Variants in MCM3AP observed in about 807,000 individuals in gnomAD.
MCM3AP encodes minichromosome maintenance complex component 3 associated protein.
Under a neutral mutation model 184.1 loss-of-function variants are expected in MCM3AP, and 126 were observed. That is an observed-to-expected ratio of 0.68 (90% CI 0.59 to 0.79). The LOEUF is 0.79. Among genes scored for constraint, MCM3AP ranks in the 30% least tolerant of loss-of-function variants. MCM3AP has a pLI of 0.00. For synonymous variants in MCM3AP, 1,002 were observed against 979.3 expected, an observed-to-expected ratio of 1.02 and a Z score of -0.43; for missense variants, 2,496 against 2,479.2, an observed-to-expected ratio of 1.01 and a Z score of -0.14.
rs1299420728 is a variant in MCM3AP, at chr21:46,238,599, T to G, written c.5634-1620A>C. On this transcript the variant is annotated intron_variant, in intron 26 of 27. Transcript: ENST00000291688. ...GATGGGTACCTGTAGTCCCAGCTAC[T>G]TGGGAGGCTGGGGCAGGAGAACTGC... Among the ~76,000 whole-genome samples, 2 of 119,868 alleles carry G rather than the reference T, an allele frequency of 1.7e-5. 1 individual carries two copies. Among genetic ancestry groups the G allele is most frequent in the Non-Finnish European group, 3.5e-5 (2 of 56,524 alleles). 78.6% of individuals were successfully genotyped at this position (119,868 alleles called of 152,430 possible). A position where few individuals can be genotyped will look rare whatever the true frequency, so the allele number is the denominator to read the frequency against.
upstream of MCM3AP, chr21:46,285,815 G>C (rs944479630): frequency 1.3e-5 from 2 of 152,748 alleles, no homozygotes; most frequent in African/African-American, 4.8e-5. Context: ...GGCTTCCCTC[G>C]GAGCGGCTGG....
At chr21:46,254,638 T>C (rs1365739843) in intron 18 of MCM3AP, 112 bp from the exon 19 acceptor site, 1 of 1,461,090 alleles carries the variant, frequency 6.8e-7, no homozygotes, top group Non-Finnish European at 9.5e-7. Context: ...GGTTCAGAGA[T>C]TGAACTGCAA....
rs957944688 is a variant in MCM3AP at position 46,284,516 on chromosome 21, C to T, written c.771G>A (p.Ala257=). Residue 257 remains alanine, a synonymous_variant, in exon 1 of 28, where the codon GCG becomes GCA. Transcript: ENST00000291688. ...NSFSSFPVSS[A]VLGEPFQASK... ...TAGCCTGGAAAGGTTCGCCCAAAACCGCAGATGATACAGGGAAGCTACTGA... is the reference window on the plus strand; with the variant it reads ...TAGCCTGGAAAGGTTCGCCCAAAACTGCAGATGATACAGGGAAGCTACTGA... 5.0e-6 allele frequency: 8 copies of T among 1,614,034 alleles called. No homozygotes were observed. The highest frequency in any genetic ancestry group is 1.3e-5 in the African/African-American group (1 of 74,914).
Position 46,265,328 on chromosome 21 carries a change from G to T in MCM3AP, c.3227C>A (p.Ser1076Tyr), listed in dbSNP as rs142223686. 4.6e-4 allele frequency: 737 copies of T among 1,613,904 alleles called. 1 individual carries two copies. Among genetic ancestry groups the T allele is most frequent in the Admixed American group, 1.6e-3 (99 of 60,016 alleles). The change falls in exon 12 of 28, where the codon TCT becomes TAT. Residue 1076 changes from serine to tyrosine, a missense_variant. Physicochemically the swap from Ser to Tyr is moderately radical, Grantham distance 144. This residue lies in a region of MCM3AP where 1,323 missense variants were observed against 1,273.4 expected (regional missense o/e 1.04). Transcript: ENST00000291688. The stretch of plus-strand genomic sequence containing the variant: ...GAAAAAAAGAGTCCCTACCTCGTCA[G>T]AGTACATGGGCACGGGCTCTGGAGG... ...PPPPEPVPMY[S>Y]DEDLAQVVDE...
At chr21:46,237,058 T>A in intron 26 of MCM3AP, 79 bp from the exon 27 acceptor site, 1 of 719,490 alleles carries the variant, frequency 1.4e-6, no homozygotes, top group Non-Finnish European at 2.0e-6. Flanking sequence ...CTATATATAC[T>A]TAAAAACTTT....
In MCM3AP at chr21:46,284,144, A is replaced by G. The variant is rs761825769; in HGVS notation, c.1143T>C (p.Asn381=). 3 of 1,614,180 alleles carry G rather than the reference A, an allele frequency of 1.9e-6. No individual in the cohort carries two copies. Among genetic ancestry groups the G allele is most frequent in the East Asian group, 2.2e-5 (1 of 44,876 alleles). ...TCCGGGAAGGTGCCAGGACAGACTG[A>G]TTCCCTCCTGGGATAGCCATGTGGT... is the stretch of plus-strand genomic sequence containing the variant. ...ESDHMAIPGG[N]QSVLAPSRIP... Residue 381 remains asparagine (N), a synonymous_variant, in exon 1 of 28, where the codon AAT becomes AAC. Coordinates refer to ENST00000291688, the MANE Select transcript of MCM3AP (RefSeq NM_003906.5).
intron 5 of MCM3AP, among the ~76,000 whole-genome samples, chr21:46,275,894 A>T (rs1191940957): frequency 6.6e-6 from 1 of 152,254 alleles, no homozygotes; most frequent in Non-Finnish European, 1.5e-5. Context: ...TGTAGCTTGC[A>T]AGGAAAAGGA....
intron 23 of MCM3AP, among the ~76,000 whole-genome samples, chr21:46,244,362 A>G (rs2080727467): frequency 6.6e-6 from 1 of 152,234 alleles, no homozygotes; most frequent in Admixed American, 6.5e-5. Flanking sequence ...GCCATAGAAG[A>G]AGGCCTCTTT....
In MCM3AP at chr21:46,245,129, G is replaced by T. The variant is rs370224324; in HGVS notation, c.4716C>A (p.Leu1572=). Residue 1572 remains leucine, a synonymous_variant, in exon 23 of 28, where the codon CTC becomes CTA. Transcript: ENST00000291688. ...CAATCCCGTCTTCGACGTACTGAAT[G>T]AGAGTCTGGCAGCAGAGGTCAAGGG... ...PHSLDLCCQT[L]IQYVEDGIGH... 1.5e-5 allele frequency: 24 copies of T among 1,614,110 alleles called. No individual in the cohort carries two copies. Among genetic ancestry groups the T allele is most frequent in the Non-Finnish European group, 2.0e-5 (24 of 1,180,032 alleles).
In MCM3AP at chr21:46,245,209, GAA is replaced by G. The variant is rs752249875; in HGVS notation, c.4648-14_4648-13del. The G allele has an allele frequency of 1.7e-5, 24 of 1,417,186 alleles. No homozygotes were observed. The highest frequency in any genetic ancestry group is 6.4e-5 in the South Asian group (5 of 78,614). 87.8% of individuals were successfully genotyped at this position (1,417,186 alleles called of 1,614,324 possible). On this transcript the variant is annotated splice_polypyrimidine_tract_variant and intron_variant, in intron 22 of 27. Coordinates refer to ENST00000291688, the MANE Select transcript of MCM3AP (RefSeq NM_003906.5). ...ACTGCTTGCAAAACCTGAGAAGAAAGAAGAGACTTGGTTGAACAATTCACACT... is the reference window on the plus strand; with the variant it reads ...ACTGCTTGCAAAACCTGAGAAGAAAGGAGACTTGGTTGAACAATTCACACT...
Position 46,284,852 on chromosome 21 carries a change from G to A in MCM3AP, c.435C>T (p.Ser145=). 1 of 1,614,116 alleles carries A rather than the reference G, an allele frequency of 6.2e-7. No individual in the cohort carries two copies. The highest frequency in any genetic ancestry group is 8.5e-7 in the Non-Finnish European group (1 of 1,180,038). The change falls in exon 1 of 28, where the codon AGC becomes AGT. Residue 145 remains serine, a synonymous_variant. Coordinates refer to ENST00000291688, the MANE Select transcript of MCM3AP (RefSeq NM_003906.5). ...VNSGFGKTEF[S]FKPLENAVFK... is the part of the protein sequence containing the mutation. ...ACACTGCATTTTCCAGAGGTTTAAA[G>A]CTGAATTCTGTTTTCCCAAAACCAG...
chr21:46,243,103 C>T, intron 24 of MCM3AP, 172 bp from the exon 25 acceptor site: 1 of 642,690 alleles, frequency 1.6e-6, no homozygotes, highest in South Asian at 2.1e-5. Context: ...ATTAAAGTCA[C>T]ACAATTATGT....
Position 46,257,002 on chromosome 21 carries a change from T to C in MCM3AP, c.3735-16A>G. 1 of 1,606,014 alleles carries C rather than the reference T, an allele frequency of 6.2e-7. No individual in the cohort carries two copies. The highest frequency in any genetic ancestry group is 8.5e-7 in the Non-Finnish European group (1 of 1,175,416). On this transcript the variant is annotated splice_polypyrimidine_tract_variant and intron_variant, in intron 16 of 27. Transcript: ENST00000291688. ...TTCCCTCCACCTGGGGACATGAAAATGTATCATCACAGAGTGTTTTCAGGG... is the reference window on the plus strand; with the variant it reads ...TTCCCTCCACCTGGGGACATGAAAACGTATCATCACAGAGTGTTTTCAGGG...
intron 16 of MCM3AP, 93 bp from the exon 17 acceptor site, chr21:46,257,079 G>C: frequency 1.3e-6 from 2 of 1,495,788 alleles, no homozygotes; most frequent in Non-Finnish European, 9.0e-7. Flanking sequence ...GGGGAAGGAA[G>C]GACATCAAAT....
rs761953067 is a variant in MCM3AP at position 46,272,730 on chromosome 21, G to A, written c.2296C>T (p.Pro766Ser). Reference sequence around the variant, plus strand: ...ATCTTGGCATCAAAGGAGGACATGGGCTCCTCACACATGAAGTGGGCACAG... The same window carrying A: ...ATCTTGGCATCAAAGGAGGACATGGACTCCTCACACATGAAGTGGGCACAG... ...IHCAHFMCEE[P>S]MSSFDAKINN... The change falls in exon 8 of 28, where the codon CCC becomes TCC. Residue 766 changes from proline (P) to serine (S), a missense_variant. By Grantham distance (74) the Pro-to-Ser change is moderately conservative. Coordinates refer to ENST00000291688, the MANE Select transcript of MCM3AP (RefSeq NM_003906.5). 1 of 1,613,904 alleles carries A rather than the reference G, an allele frequency of 6.2e-7. No individual in the cohort carries two copies. The highest frequency in any genetic ancestry group is 8.5e-7 in the Non-Finnish European group (1 of 1,179,924).
chr21:46,261,012 G>C (rs1362864257), intron 14 of MCM3AP, 106 bp from the exon 15 acceptor site: 2 of 944,400 alleles, frequency 2.1e-6, no homozygotes, highest in Non-Finnish European at 3.3e-6. Context: ...TGTGCTGCCT[G>C]AGTCGGTAGG....
At position 46,246,405 on chromosome 21, in the gene MCM3AP, C is replaced by CT; in HGVS notation, c.4550-2dup. ...GAAACCAAGTCCTGTAGCATCAGACCTTTAAGACAGACATAGATGAAGGTC... is the reference window on the plus strand; with the variant it reads ...GAAACCAAGTCCTGTAGCATCAGACCTTTTAAGACAGACATAGATGAAGGTC... On this transcript the variant is annotated splice_acceptor_variant, in intron 21 of 27. Transcript: ENST00000291688. LOFTEE classifies it high-confidence loss of function. 2 of 1,590,162 alleles carry CT rather than the reference C, an allele frequency of 1.3e-6. No homozygotes were observed. Among genetic ancestry groups the CT allele is most frequent in the Non-Finnish European group, 1.7e-6 (2 of 1,158,262 alleles).
At position 46,285,065 on chromosome 21, in the gene MCM3AP, C is replaced by A. The variant is rs1323937066; in HGVS notation, c.222G>T (p.Gly74=). The part of the protein sequence containing the change: ...VSHSSSVQTL[G]FTQTSSVGPF... ...GTCCAACACTTGAGGTTTGGGTGAA[C>A]CCTAATGTTTGCACTGAAGAGGAAT... The change falls in exon 1 of 28, where the codon GGG becomes GGT. Residue 74 remains glycine, a synonymous_variant. Transcript: ENST00000291688. The A allele has an allele frequency of 1.9e-6, 3 of 1,614,180 alleles. No homozygotes were observed. The highest frequency in any genetic ancestry group is 1.7e-6 in the Non-Finnish European group (2 of 1,180,022).
At position 46,243,004 on chromosome 21, in the gene MCM3AP, C is replaced by CA. The variant is rs1295720895; in HGVS notation, c.5297-74dup. On this transcript the variant is annotated intron_variant, in intron 24 of 27. Coordinates refer to ENST00000291688, the MANE Select transcript of MCM3AP (RefSeq NM_003906.5). ...CTGTCTCAAAAAAAAAAAAAACACACACAAAAAAACAAAAACAGGTACAAA... is the reference window on the plus strand; with the variant it reads ...CTGTCTCAAAAAAAAAAAAAACACACAACAAAAAAACAAAAACAGGTACAAA... The CA allele has an allele frequency of 7.1e-4, 868 of 1,230,828 alleles. 2 individuals carry two copies. The highest frequency in any genetic ancestry group is 6.7e-3 in the East Asian group (277 of 41,242). 76.2% of individuals were successfully genotyped at this position (1,230,828 alleles called of 1,614,324 possible). A position where few individuals can be genotyped will look rare whatever the true frequency, so the allele number is the denominator to read the frequency against.
Sources: gnomAD v4.1 joint callset for allele counts (sites outside exome capture counted in the v4.1 genomes callset) on GRCh38, gnomAD v4.1.1 for gene constraint, gnomAD v4.1.1 regional missense constraint, MANE v1.5 for transcripts, NCBI Gene and HGNC (gene_info 2026-07-23, HGNC 2026-07-21) for gene names.